The following CA5B variants were observed in gnomAD, a reference collection of about 807,000 sequenced individuals.
CA5B encodes carbonic anhydrase 5B.
CA5B carries 15 observed loss-of-function variants against 23.1 expected under a neutral mutation model. The observed-to-expected ratio is 0.65, with a 90% CI of 0.43 to 1.00. The LOEUF is 1.00. Ranked by LOEUF, CA5B falls within the 50% of genes least tolerant of loss-of-function variation. The pLI is 0.00. For missense variants in CA5B, 236 were observed against 252.2 expected (o/e 0.94, Z 0.43); for synonymous variants, 84 against 98.5 (o/e 0.85, Z 0.87).
At chrX:15,762,146 T>G (rs781148163) in intron 2 of CA5B, among the ~76,000 whole-genome samples, 1 of 109,625 alleles carries the variant, frequency 9.1e-6, no homozygotes, top group African/African-American at 3.3e-5. Context: ...GGCATGCGCC[T>G]GTAATCCCAG....
intron 4 of CA5B, among the ~76,000 whole-genome samples, chrX:15,773,941 C>T (rs1931870694): frequency 8.9e-6 from 1 of 111,890 alleles, no homozygotes; most frequent in East Asian, 2.8e-4. Context: ...CTATTTCTCT[C>T]AATATAAACA....
At chrX:15,745,577 GA>G (rs968598355) in intron 1 of CA5B, 6 of 112,418 alleles carry the variant, frequency 5.3e-5, no homozygotes, top group Non-Finnish European at 1.1e-4. Flanking sequence ...TTTCTTTGTA[GA>G]TTGCAAGCTT....
chrX:15,741,488 GTTTT>G (rs1555991847), intron 1 of CA5B, among the ~76,000 whole-genome samples: 2 of 104,228 alleles, frequency 1.9e-5, no homozygotes, highest in African/African-American at 7.0e-5. Flanking sequence ...TTGTTTGTTT[GTTTT>G]TTTTTGAGAC....
intron 3 of CA5B, among the ~76,000 whole-genome samples, chrX:15,768,039 C>T (rs1036587548): frequency 2.1e-4 from 23 of 108,126 alleles, no homozygotes; most frequent in African/African-American, 7.4e-4. Flanking sequence ...GCTGGGATTA[C>T]AGGCACATGC....
chrX:15,767,929 C>T (rs1222691974), intron 3 of CA5B, among the ~76,000 whole-genome samples: 4 of 62,726 alleles, frequency 6.4e-5, no homozygotes, highest in Non-Finnish European at 1.1e-4. Flanking sequence ...GATGGTGTCT[C>T]ACTCTGTCGC....
rs1156496631 is a variant in CA5B at position 15,787,596 on chromosome X, T to G, written c.*4932T>G. 2.7e-5 allele frequency: 3 copies of G among 112,600 alleles called. No homozygotes were observed. The highest frequency in any genetic ancestry group is 5.6e-5 in the Non-Finnish European group (3 of 53,372). 9.3% of individuals were successfully genotyped at this position (112,600 alleles called of 1,213,427 possible). ...TATTTCTGAAAATGAATTCAGTGGT[T>G]AATTGTTAAAAATAAATGTCTAACT... On this transcript the variant is annotated 3_prime_UTR_variant, in exon 8 of 8. Transcript: ENST00000318636.
At chrX:15,749,427 A>G (rs1931310911) in intron 1 of CA5B, among the ~76,000 whole-genome samples, 1 of 112,171 alleles carries the variant, frequency 8.9e-6, no homozygotes, top group Non-Finnish European at 1.9e-5. Context: ...CATAGATTAT[A>G]TTTAAGCTCA....
At chrX:15,779,223 G>A (rs1296276462) in intron 7 of CA5B, among the ~76,000 whole-genome samples, 4 of 111,103 alleles carry the variant, frequency 3.6e-5, no homozygotes, top group African/African-American at 6.5e-5. Flanking sequence ...CAGGAGCTCC[G>A]AAGAAAGGAG....
chrX:15,764,940 T>C (rs1320842500), intron 3 of CA5B, 165 bp downstream of exon 3: 2 of 792,104 alleles, frequency 2.5e-6, no homozygotes, highest in Non-Finnish European at 3.6e-6. Context: ...TTCCTTCTAG[T>C]TTTTATGCAT....
At chrX:15,776,668 G>A (rs748118593) in intron 6 of CA5B, 46 bp from the exon 7 acceptor site, 2 of 1,105,735 alleles carry the variant, frequency 1.8e-6, no homozygotes, top group Non-Finnish European at 2.5e-6. Flanking sequence ...TTCCTGAGTG[G>A]TTTTCACTAC....
rs191428363 is a variant in CA5B, at chrX:15,773,784, A to T, written c.460-518A>T. Among the ~76,000 whole-genome samples, 275 of 111,205 alleles carry T rather than the reference A, an allele frequency of 2.5e-3. 1 individual carries two copies. The highest frequency in any genetic ancestry group is 8.6e-3 in the African/African-American group (263 of 30,614). ...GTCCAGGCTGGTCTCATACTGCTGG[A>T]TTCAAGTGATTCTCCCACCTTGACC... is the stretch of plus-strand genomic sequence containing the variant. On this transcript the variant is annotated intron_variant, in intron 4 of 7. Transcript: ENST00000318636.
chrX:15,764,718 G>T lies in CA5B; in HGVS notation c.283G>T (p.Val95Phe). The change falls in exon 3 of 8, where the codon GTC becomes TTC. Residue 95 changes from valine to phenylalanine, a missense_variant. Physicochemically the swap from Val to Phe is conservative, Grantham distance 50. Around this residue, in one of 3 missense-constraint regions of CA5B, gnomAD observed 12 missense variants for 43.6 expected, o/e 0.28. Coordinates refer to ENST00000318636, the MANE Select transcript of CA5B (RefSeq NM_007220.4). ...ISYDPATCLH[V>F]WNNGYSFLVE... ...TTATGACCCAGCCACCTGCCTCCACGTCTGGAATAATGGGTACTCTTTCCT... is the reference window on the plus strand; with the variant it reads ...TTATGACCCAGCCACCTGCCTCCACTTCTGGAATAATGGGTACTCTTTCCT... 4 of 1,181,779 alleles carry T rather than the reference G, an allele frequency of 3.4e-6. No homozygotes were observed. The highest frequency in any genetic ancestry group is 3.4e-6 in the Non-Finnish European group (3 of 875,199).
intron 3 of CA5B, among the ~76,000 whole-genome samples, chrX:15,770,269 G>GTGCCACT (rs1278653924): frequency 1.8e-5 from 2 of 110,701 alleles, no homozygotes; most frequent in Non-Finnish European, 3.8e-5. Context: ...AGGCGAGATC[G>GTGCCACT]TGCCACTGCA....
At chrX:15,749,878 T>C in intron 1 of CA5B, 93 bp from the exon 2 acceptor site, 1 of 653,206 alleles carries the variant, frequency 1.5e-6, no homozygotes, top group Non-Finnish European at 2.3e-6. Context: ...GGGTGTGTAC[T>C]GCTAGTCTGA....
intron 3 of CA5B, among the ~76,000 whole-genome samples, chrX:15,770,511 G>A (rs985078216): frequency 1.8e-5 from 2 of 109,499 alleles, no homozygotes; most frequent in Non-Finnish European, 1.9e-5. Flanking sequence ...TCAAACTCCT[G>A]GCCTCAAGTG....
intron 3 of CA5B, chrX:15,769,607 G>A: frequency 1.3e-6 from 1 of 753,085 alleles, no homozygotes; most frequent in Non-Finnish European, 1.6e-6. Context: ...AACCTAGTAA[G>A]AATGCTTTCA....
chrX:15,764,491 T>G (rs1005082032), intron 2 of CA5B, 87 bp from the exon 3 acceptor site: 1 of 1,168,877 alleles, frequency 8.6e-7, no homozygotes, highest in African/African-American at 1.8e-5. Flanking sequence ...CCACCCGCCT[T>G]GGCCTCCCCA....
At chrX:15,776,351 A>AG (rs1244402445) in intron 6 of CA5B, among the ~76,000 whole-genome samples, 3 of 108,346 alleles carry the variant, frequency 2.8e-5, no homozygotes, top group African/African-American at 1.0e-4. Context: ...AAAAAAAAAA[A>AG]AAAAAAGAAA....
At chrX:15,753,275 G>A (rs1422113772) in intron 2 of CA5B, among the ~76,000 whole-genome samples, 2 of 112,725 alleles carry the variant, frequency 1.8e-5, no homozygotes, top group East Asian at 2.8e-4. Flanking sequence ...CTAAGCAGGG[G>A]CTTACAGGTC....
Sources: allele counts gnomAD v4.1 joint callset (sites outside exome capture counted in the v4.1 genomes callset), GRCh38; gene constraint gnomAD v4.1.1; regional missense constraint gnomAD v4.1.1; transcripts MANE v1.5; gene names NCBI Gene and HGNC (gene_info 2026-07-23, HGNC 2026-07-21).